KYAT3: variants seen among roughly 807,000 people sequenced by gnomAD.
The protein encoded by KYAT3 is kynurenine--oxoglutarate transaminase 3.
In KYAT3, 50 loss-of-function variants were observed where a neutral mutation model predicts 59.0. The observed-to-expected ratio is 0.85, with a 90% CI of 0.68 to 1.07. The LOEUF (loss-of-function observed/expected upper bound fraction) is 1.07, where lower values mean the gene tolerates loss of function less well. Among genes scored for constraint, KYAT3 ranks in the 50% least tolerant of loss-of-function variants. The pLI is 0.00. For missense variants in KYAT3, 497 were observed against 533.3 expected (o/e 0.93, Z 0.67); for synonymous variants, 148 against 177.0 (o/e 0.84, Z 1.30).
At chr1:88,978,808 G>C (rs1433198701) in intron 2 of KYAT3, among the ~76,000 whole-genome samples, 2 of 127,192 alleles carry the variant, frequency 1.6e-5, no homozygotes, top group Admixed American at 1.6e-4. Context: ...TCCATGCCCG[G>C]CCTTAATTTT....
At chr1:88,929,828 AG>A in the KYAT3 span, among the ~76,000 whole-genome samples, 6 of 152,238 alleles carry the variant, frequency 3.9e-5, no homozygotes, top group Non-Finnish European at 8.8e-5. Flanking sequence ...AAAGCAACTA[AG>A]AGGATTCCTT....
chr1:88,940,470 T>C (rs923492704), intron 13 of KYAT3, among the ~76,000 whole-genome samples: 4 of 152,222 alleles, frequency 2.6e-5, no homozygotes, highest in African/African-American at 9.6e-5. Flanking sequence ...GCATGCTACC[T>C]GCTGGCTTTG....
chr1:88,945,663 G>C (rs996152591), intron 11 of KYAT3, among the ~76,000 whole-genome samples: 3 of 152,130 alleles, frequency 2.0e-5, no homozygotes, highest in Admixed American at 6.5e-5. Context: ...GCTATTAATT[G>C]TAAAGGGAAG....
At chr1:88,930,027 G>A in the KYAT3 span, among the ~76,000 whole-genome samples, 1 of 152,216 alleles carries the variant, frequency 6.6e-6, no homozygotes, top group South Asian at 2.1e-4. Context: ...TTGCCAACAA[G>A]GCAAGACTTT....
intron 13 of KYAT3, among the ~76,000 whole-genome samples, chr1:88,942,542 G>A (rs1675276233): frequency 6.6e-6 from 1 of 151,960 alleles, no homozygotes; most frequent in Admixed American, 6.6e-5. Context: ...TTCAAAAAGT[G>A]TTGAATTTTA....
At chr1:88,978,980 G>C (rs1435726919) in intron 2 of KYAT3, among the ~76,000 whole-genome samples, 4 of 152,162 alleles carry the variant, frequency 2.6e-5, no homozygotes, top group African/African-American at 9.7e-5. Flanking sequence ...CTAAAGGGCA[G>C]AGTACATGCT....
At chr1:88,971,093 CT>C (rs1676539384) in intron 2 of KYAT3, among the ~76,000 whole-genome samples, 1 of 152,160 alleles carries the variant, frequency 6.6e-6, no homozygotes, top group African/African-American at 2.4e-5. Context: ...AAATATCTAT[CT>C]TAACAAATGC....
chr1:88,982,234 C>A, intron 2 of KYAT3: 1 of 672,828 alleles, frequency 1.5e-6, no homozygotes, highest in Non-Finnish European at 1.9e-6. Flanking sequence ...TAGCATACTC[C>A]AACCACCCTC....
At chr1:88,966,574 C>T (rs1315073664) in intron 4 of KYAT3, among the ~76,000 whole-genome samples, 1 of 151,954 alleles carries the variant, frequency 6.6e-6, no homozygotes, top group East Asian at 1.9e-4. Flanking sequence ...GGCTTTGTGT[C>T]CTGTGACCTT....
chr1:88,940,676 C>T (rs138830671), intron 13 of KYAT3, among the ~76,000 whole-genome samples: 5 of 152,290 alleles, frequency 3.3e-5, no homozygotes, highest in Middle Eastern at 6.8e-3. Context: ...ACATCTCTTC[C>T]GCATTGCTTC....
chr1:88,980,377 C>A (rs1268660103), intron 2 of KYAT3: 1 of 152,436 alleles, frequency 6.6e-6, no homozygotes, highest in Admixed American at 6.6e-5. Context: ...GGACCAAGCA[C>A]CCGCCCAAGC....
chr1:88,977,992 A>C (rs561736923), intron 2 of KYAT3, among the ~76,000 whole-genome samples: 25 of 152,258 alleles, frequency 1.6e-4, no homozygotes, highest in Admixed American at 1.4e-3. Context: ...GGTTTGTGTA[A>C]GTGCACTCTA....
chr1:88,982,901 C>T (rs753162241), intron 2 of KYAT3: 120 of 1,613,864 alleles, frequency 7.4e-5, no homozygotes, highest in Non-Finnish European at 9.4e-5. Flanking sequence ...ATCATCATAG[C>T]GACTGCTTCC....
At chr1:88,954,834 T>C (rs937119904) in intron 9 of KYAT3, among the ~76,000 whole-genome samples, 1 of 152,250 alleles carries the variant, frequency 6.6e-6, no homozygotes, top group African/African-American at 2.4e-5. Flanking sequence ...GGAGCGCAGC[T>C]CACAGCAGCC....
At chr1:88,923,792 G>A in the KYAT3 span, 3,019 of 265,982 alleles carry the variant, frequency 0.011, 52 homozygotes, top group South Asian at 0.053. Context: ...AAGAGTCCAG[G>A]AGAGCCAAAA....
downstream of KYAT3, among the ~76,000 whole-genome samples, chr1:88,932,737 C>G (rs1674933950): frequency 1.3e-5 from 2 of 152,092 alleles, no homozygotes; most frequent in African/African-American, 4.8e-5. Flanking sequence ...CTCAAGTGAT[C>G]CTCTTGTCTC....
At chr1:88,991,671 A>G (rs951290306) in intron 1 of KYAT3, among the ~76,000 whole-genome samples, 2 of 152,234 alleles carry the variant, frequency 1.3e-5, no homozygotes, top group Non-Finnish European at 2.9e-5. Context: ...ACGAGCCTGA[A>G]ATTGCTGAAA....
At chr1:88,991,575 G>A (rs891244569) in intron 1 of KYAT3, among the ~76,000 whole-genome samples, 1 of 152,252 alleles carries the variant, frequency 6.6e-6, no homozygotes, top group African/African-American at 2.4e-5. Flanking sequence ...GGGGAGTACA[G>A]TGGAAGGATG....
At chr1:88,929,702 G>C in the KYAT3 span, among the ~76,000 whole-genome samples, 1 of 152,148 alleles carries the variant, frequency 6.6e-6, no homozygotes, top group Non-Finnish European at 1.5e-5. Flanking sequence ...CAAACCAAAG[G>C]CTCAGCTCTG....
Sources: allele counts gnomAD v4.1 joint callset (sites outside exome capture counted in the v4.1 genomes callset), GRCh38; gene constraint gnomAD v4.1.1; transcripts MANE v1.5; gene names NCBI Gene and HGNC (gene_info 2026-07-23, HGNC 2026-07-21).